Variants in MIS18BP1 observed in about 807,000 individuals in gnomAD.
The protein encoded by MIS18BP1 is MIS18 binding protein 1, also known as mis18-binding protein 1.
Under a neutral mutation model 116.1 loss-of-function variants are expected in MIS18BP1, and 72 were observed. The ratio of observed to expected loss-of-function variants is 0.62; its 90% CI spans 0.51 to 0.75. MIS18BP1 has a LOEUF of 0.75. Ranked by LOEUF, MIS18BP1 falls within the 30% of genes least tolerant of loss-of-function variation. The pLI, the probability that MIS18BP1 is intolerant of heterozygous loss-of-function variation, is 0.00. For missense variants in MIS18BP1, 1,363 were observed against 1,303.2 expected, an observed-to-expected ratio of 1.05 and a Z score of -0.71; for synonymous variants, 386 against 427.0, an observed-to-expected ratio of 0.90 and a Z score of 1.18.
At chr14:45,235,034 A>T (rs1193506813) in intron 6 of MIS18BP1, among the ~76,000 whole-genome samples, 1 of 151,950 alleles carries the variant, frequency 6.6e-6, no homozygotes, top group Non-Finnish European at 1.5e-5. Flanking sequence ...CCTGGCCAAC[A>T]TGGTGACACC....
Position 45,246,852 on chromosome 14 carries a change from A to G in MIS18BP1, c.435T>C (p.Asn145=), listed in dbSNP as rs780443532. The G allele has an allele frequency of 6.2e-7, 1 of 1,611,570 alleles. No homozygotes were observed. Among genetic ancestry groups the G allele is most frequent in the South Asian group, 1.1e-5 (1 of 90,428 alleles). Residue 145 remains asparagine (N), a synonymous_variant, in exon 2 of 17, where the codon AAT becomes AAC. Coordinates refer to ENST00000310806, the MANE Select transcript of MIS18BP1 (RefSeq NM_018353.5). ...CAACTCTGTTAGGAGTGAAGGTTTCATTATTTCCACTTTTCTGTGGTTCCA... is the reference window on the plus strand; with the variant it reads ...CAACTCTGTTAGGAGTGAAGGTTTCGTTATTTCCACTTTTCTGTGGTTCCA... The part of the protein sequence containing the change: ...SLLEPQKSGN[N]ETFTPNRVEK...
At chr14:45,240,294 T>A (rs1414855785) in intron 4 of MIS18BP1, among the ~76,000 whole-genome samples, 1 of 152,110 alleles carries the variant, frequency 6.6e-6, no homozygotes, top group East Asian at 1.9e-4. Flanking sequence ...TGGGCAGCAA[T>A]GTAGCAGAAA....
At chr14:45,223,083 AAAC>A (rs984879787) in intron 11 of MIS18BP1, among the ~76,000 whole-genome samples, 3 of 152,088 alleles carry the variant, frequency 2.0e-5, no homozygotes, top group African/African-American at 7.2e-5. Flanking sequence ...AAACAAAACA[AAAC>A]AAAACAAAAC....
intron 6 of MIS18BP1, among the ~76,000 whole-genome samples, chr14:45,234,139 G>A (rs1372870999): frequency 6.6e-6 from 1 of 151,914 alleles, no homozygotes; most frequent in Non-Finnish European, 1.5e-5. Context: ...TGTTCAAAGT[G>A]TATACTGAAT....
At chr14:45,227,461 C>T (rs545794542) in intron 9 of MIS18BP1, among the ~76,000 whole-genome samples, 1 of 151,492 alleles carries the variant, frequency 6.6e-6, no homozygotes, top group Admixed American at 6.6e-5. Context: ...AGGAGAATCA[C>T]TTGAACCCAG....
chr14:45,210,617 G>C, intron 13 of MIS18BP1, 89 bp from the exon 14 acceptor site: 2 of 1,490,674 alleles, frequency 1.3e-6, no homozygotes, highest in Admixed American at 3.8e-5. Context: ...TGATAAGTTG[G>C]TTCTTCTTGT....
chr14:45,232,910 G>A (rs972010195), intron 6 of MIS18BP1, 90 bp from the exon 7 acceptor site: 2 of 658,552 alleles, frequency 3.0e-6, no homozygotes, highest in Admixed American at 2.9e-5. Flanking sequence ...CAAGAAATAT[G>A]CACCTATTGC....
At chr14:45,225,110 G>C (rs1891090486) in intron 10 of MIS18BP1, among the ~76,000 whole-genome samples, 1 of 152,026 alleles carries the variant, frequency 6.6e-6, no homozygotes, top group African/African-American at 2.4e-5. Flanking sequence ...GATTTTCTTG[G>C]TTCTCCACTT....
At position 45,247,070 on chromosome 14, in the gene MIS18BP1, T is replaced by C; in HGVS notation, c.217A>G (p.Asn73Asp). Reference protein sequence around the residue: ...FLKMTTFNNKNIFQSTMLTEA... With the variant: ...FLKMTTFNNKDIFQSTMLTEA... ...GTTAGCATAGTTGATTGAAATATAT[T>C]TTTATTGTTAAAAGTTGTCATTTTT... The change falls in exon 2 of 17, where the codon AAT (asparagine) becomes GAT (aspartate). Residue 73 changes from asparagine to aspartate, a missense_variant. Physicochemically the swap from Asn to Asp is conservative, Grantham distance 23. Coordinates refer to ENST00000310806, the MANE Select transcript of MIS18BP1 (RefSeq NM_018353.5). The C allele has an allele frequency of 6.2e-7, 1 of 1,612,866 alleles. No individual in the cohort carries two copies. Among genetic ancestry groups the C allele is most frequent in the Non-Finnish European group, 8.5e-7 (1 of 1,179,638 alleles).
chr14:45,244,050 C>G (rs988456997), intron 2 of MIS18BP1, among the ~76,000 whole-genome samples: 7 of 152,128 alleles, frequency 4.6e-5, no homozygotes, highest in Admixed American at 4.6e-4. Flanking sequence ...ACTTCTACCC[C>G]CAAACTCCCT....
chr14:45,228,827 A>G (rs1174237817), intron 8 of MIS18BP1, among the ~76,000 whole-genome samples: 1 of 152,238 alleles, frequency 6.6e-6, no homozygotes, highest in Non-Finnish European at 1.5e-5. Context: ...ACTATGATAC[A>G]CAAGTACTTT....
intron 4 of MIS18BP1, chr14:45,241,805 A>G (rs1566820057): frequency 6.7e-6 from 3 of 448,508 alleles, no homozygotes; most frequent in East Asian, 4.3e-5. Flanking sequence ...ATAGAGCAAA[A>G]TAAGACTTAA....
At chr14:45,212,873 A>G (rs889369928) in intron 13 of MIS18BP1, among the ~76,000 whole-genome samples, 1 of 152,214 alleles carries the variant, frequency 6.6e-6, no homozygotes, top group Non-Finnish European at 1.5e-5. Flanking sequence ...ATGCCAACAT[A>G]TAAAACCCCA....
intron 1 of MIS18BP1, chr14:45,250,120 T>C (rs955530052): frequency 1.4e-4 from 22 of 152,166 alleles, no homozygotes; most frequent in African/African-American, 5.3e-4. Flanking sequence ...GAGCTTTCTG[T>C]TTCCTAATGT....
At chr14:45,229,141 T>TG (rs1032729189) in intron 8 of MIS18BP1, among the ~76,000 whole-genome samples, 1 of 144,546 alleles carries the variant, frequency 6.9e-6, no homozygotes, top group East Asian at 2.1e-4. Flanking sequence ...GGGGTGGGGG[T>TG]GGGGGGAATC....
rs1432721232 is a variant in MIS18BP1 at position 45,204,083 on chromosome 14, C to T, written c.*26G>A. The stretch of plus-strand genomic sequence containing the variant: ...ACACTGTCTGCTTTATGGTAAAAAT[C>T]CCAGGAATCATATTTTCTCATTTTA... On this transcript the variant is annotated 3_prime_UTR_variant, in exon 17 of 17. Transcript: ENST00000310806. The T allele has an allele frequency of 6.2e-7, 1 of 1,602,294 alleles. No homozygotes were observed. The highest frequency in any genetic ancestry group is 1.3e-5 in the African/African-American group (1 of 74,220).
At chr14:45,234,096 A>G (rs992318053) in intron 6 of MIS18BP1, among the ~76,000 whole-genome samples, 2 of 152,186 alleles carry the variant, frequency 1.3e-5, no homozygotes, top group Admixed American at 6.5e-5. Context: ...GAAGCTAAGT[A>G]AAGTATTTCA....
chr14:45,235,566 G>A (rs1322127336), intron 6 of MIS18BP1, among the ~76,000 whole-genome samples: 1 of 148,084 alleles, frequency 6.8e-6, no homozygotes, highest in Non-Finnish European at 1.5e-5. Context: ...CTCCAGCCTG[G>A]GTGACAGAGC....
intron 15 of MIS18BP1, 75 bp downstream of exon 15, chr14:45,206,008 G>T: frequency 2.1e-6 from 2 of 940,722 alleles, no homozygotes; most frequent in South Asian, 1.5e-5. Flanking sequence ...ACTGTTACAT[G>T]ACTTACAACT....
Sources: allele counts gnomAD v4.1 joint callset (sites outside exome capture counted in the v4.1 genomes callset), GRCh38; gene constraint gnomAD v4.1.1; transcripts MANE v1.5; gene names NCBI Gene and HGNC (gene_info 2026-07-23, HGNC 2026-07-21).